The following PPP3CA variants were observed in gnomAD, a reference collection of about 807,000 sequenced individuals.
The protein encoded by PPP3CA is protein phosphatase 3 catalytic subunit alpha, also known as CAM-PRP catalytic subunit.
PPP3CA carries 14 observed loss-of-function variants against 66.5 expected under a neutral mutation model. The ratio of observed to expected loss-of-function variants is 0.21; its 90% CI spans 0.14 to 0.33. The LOEUF (loss-of-function observed/expected upper bound fraction) is 0.33, where lower values mean the gene tolerates loss of function less well. Ranked by LOEUF, PPP3CA falls within the 10% of genes least tolerant of loss-of-function variation. The pLI is 1.00. For missense variants in PPP3CA, 317 were observed against 639.5 expected, an observed-to-expected ratio of 0.50 and a Z score of 5.44; for synonymous variants, 232 against 226.2, an observed-to-expected ratio of 1.03 and a Z score of -0.23.
At chr4:101,311,149 T>C (rs990061216) in intron 1 of PPP3CA, among the ~76,000 whole-genome samples, 1 of 152,220 alleles carries the variant, frequency 6.6e-6, no homozygotes, top group African/African-American at 2.4e-5. Context: ...TCAATTTATG[T>C]TTTTTAAAAG....
intron 9 of PPP3CA, among the ~76,000 whole-genome samples, chr4:101,062,984 A>G (rs1013090561): frequency 6.6e-6 from 1 of 151,734 alleles, no homozygotes; most frequent in African/African-American, 2.4e-5. Flanking sequence ...TATTATTCTA[A>G]TAAGATTGTA....
chr4:101,195,703 C>T (rs1392319085), intron 2 of PPP3CA, among the ~76,000 whole-genome samples: 2 of 152,244 alleles, frequency 1.3e-5, no homozygotes, highest in Admixed American at 6.5e-5. Flanking sequence ...TTGCATTCCA[C>T]TTTTTAGAGC....
chr4:101,305,861 T>C (rs1050701105), intron 1 of PPP3CA, among the ~76,000 whole-genome samples: 1 of 148,482 alleles, frequency 6.7e-6, no homozygotes, highest in Admixed American at 6.6e-5. Context: ...AAAATGTTTT[T>C]AAGGACAAAT....
chr4:101,032,045 A>G (rs1726990520), intron 12 of PPP3CA, among the ~76,000 whole-genome samples: 1 of 152,224 alleles, frequency 6.6e-6, no homozygotes, highest in Non-Finnish European at 1.5e-5. Flanking sequence ...CATGTGAATG[A>G]GGGAATGGGG....
intron 8 of PPP3CA, among the ~76,000 whole-genome samples, chr4:101,079,433 C>G (rs956703418): frequency 6.7e-6 from 1 of 148,710 alleles, no homozygotes; most frequent in Non-Finnish European, 1.5e-5. Context: ...GGCTGGAGTA[C>G]AGTGGTGCGA....
Position 101,332,531 on chromosome 4 carries a change from G to A in PPP3CA, c.58+14208C>T, listed in dbSNP as rs187946014. On this transcript the variant is annotated intron_variant, in intron 1 of 13. Coordinates refer to ENST00000394854, the MANE Select transcript of PPP3CA (RefSeq NM_000944.5). Reference sequence around the variant, plus strand: ...AGGGCCCCCCAAATGACTGTACAACGGATTTGACAGTGGATAGGAGGTGAG... The same window carrying A: ...AGGGCCCCCCAAATGACTGTACAACAGATTTGACAGTGGATAGGAGGTGAG... Among the ~76,000 whole-genome samples, 32 of 152,222 alleles carry A rather than the reference G, an allele frequency of 2.1e-4. No individual in the cohort carries two copies. In the East Asian group the frequency reaches 3.5e-3, roughly 17 times the overall value.
intron 6 of PPP3CA, among the ~76,000 whole-genome samples, chr4:101,089,412 C>T (rs1349358072): frequency 6.6e-6 from 1 of 152,148 alleles, no homozygotes; most frequent in Non-Finnish European, 1.5e-5. Context: ...GAGAAGGCTG[C>T]TGATTTGTGA....
chr4:101,080,696 A>G (rs1293387558), intron 7 of PPP3CA, 70 bp from the exon 8 acceptor site: 19 of 944,424 alleles, frequency 2.0e-5, no homozygotes, highest in Non-Finnish European at 7.5e-6. Context: ...ATAGATTGAG[A>G]AATAGAAAAT....
At chr4:101,295,479 C>T (rs112584350) in intron 1 of PPP3CA, among the ~76,000 whole-genome samples, 4 of 152,250 alleles carry the variant, frequency 2.6e-5, no homozygotes, top group African/African-American at 9.6e-5. Flanking sequence ...CACGCATGTT[C>T]TAAGACTATG....
intron 2 of PPP3CA, among the ~76,000 whole-genome samples, chr4:101,142,355 T>A (rs1051513884): frequency 6.6e-6 from 1 of 152,134 alleles, no homozygotes; most frequent in African/African-American, 2.4e-5. Flanking sequence ...TCAGAAAAGA[T>A]AAGAAAATCG....
chr4:101,329,504 T>C (rs900654324), intron 1 of PPP3CA, among the ~76,000 whole-genome samples: 5 of 152,214 alleles, frequency 3.3e-5, no homozygotes, highest in African/African-American at 9.6e-5. Context: ...AGATCATTAA[T>C]GAAGGCGGCT....
chr4:101,048,020 C>T (rs978875071), intron 10 of PPP3CA, among the ~76,000 whole-genome samples: 1 of 152,028 alleles, frequency 6.6e-6, no homozygotes, highest in African/African-American at 2.4e-5. Flanking sequence ...AATTACATTG[C>T]TCCCTTGATT....
chr4:101,291,002 T>G (rs940125128), intron 1 of PPP3CA, among the ~76,000 whole-genome samples: 3 of 152,188 alleles, frequency 2.0e-5, no homozygotes, highest in Non-Finnish European at 4.4e-5. Flanking sequence ...TTTGCTACCA[T>G]AAGAACGAAG....
At chr4:101,114,380 T>C (rs562728182) in intron 2 of PPP3CA, among the ~76,000 whole-genome samples, 8 of 152,256 alleles carry the variant, frequency 5.3e-5, no homozygotes, top group African/African-American at 1.7e-4. Flanking sequence ...CAAATATTGA[T>C]GGTTATTTTC....
At chr4:101,220,675 A>T (rs995908431) in intron 1 of PPP3CA, among the ~76,000 whole-genome samples, 1 of 151,424 alleles carries the variant, frequency 6.6e-6, no homozygotes, top group Non-Finnish European at 1.5e-5. Flanking sequence ...TTACTTCCCC[A>T]ATTTCCTGAT....
chr4:101,206,075 G>T (rs920775685), intron 1 of PPP3CA, among the ~76,000 whole-genome samples: 2 of 152,162 alleles, frequency 1.3e-5, no homozygotes, highest in Non-Finnish European at 2.9e-5. Context: ...GTCTTTCCAC[G>T]TTTCAGTAAT....
At position 101,131,103 on chromosome 4, in the gene PPP3CA, G is replaced by C. The variant is rs563539133; in HGVS notation, c.260-22025C>G. The stretch of plus-strand genomic sequence containing the variant: ...AACGCAAATATTAGTGGGGCATGGT[G>C]GTGGGGGCCTATATTCCCAGCTCTT... On this transcript the variant is annotated intron_variant, in intron 2 of 13. Coordinates refer to ENST00000394854, the MANE Select transcript of PPP3CA (RefSeq NM_000944.5). Among the ~76,000 whole-genome samples the C allele has an allele frequency of 2.6e-5, 4 of 152,102 alleles. No homozygotes were observed. In the South Asian group the frequency reaches 8.3e-4, roughly 32 times the overall value.
intron 1 of PPP3CA, among the ~76,000 whole-genome samples, chr4:101,282,360 C>T (rs1467237812): frequency 6.6e-6 from 1 of 152,182 alleles, no homozygotes; most frequent in Admixed American, 6.5e-5. Context: ...GATGGACAGA[C>T]CTCACTACAA....
chr4:101,161,487 G>A (rs190569538), intron 2 of PPP3CA, among the ~76,000 whole-genome samples: 71 of 152,126 alleles, frequency 4.7e-4, no homozygotes, highest in African/African-American at 1.7e-3. Flanking sequence ...GTGTTGTTAT[G>A]GGAACATTTA....
Sources: gnomAD v4.1 joint callset for allele counts (sites outside exome capture counted in the v4.1 genomes callset) on GRCh38, gnomAD v4.1.1 for gene constraint, MANE v1.5 for transcripts, NCBI Gene and HGNC (gene_info 2026-07-23, HGNC 2026-07-21) for gene names.